Variants in TMEM178B observed in about 807,000 individuals in gnomAD.
The protein encoded by TMEM178B is transmembrane protein 178B.
Under a neutral mutation model 31.0 loss-of-function variants are expected in TMEM178B, and 5 were observed. The ratio of observed to expected loss-of-function variants is 0.16; its 90% CI spans 0.08 to 0.34. The LOEUF (loss-of-function observed/expected upper bound fraction) is 0.34, where lower values mean the gene tolerates loss of function less well. Among genes scored for constraint, TMEM178B ranks in the 10% least tolerant of loss-of-function variants. The pLI, the probability that TMEM178B is intolerant of heterozygous loss-of-function variation, is 1.00. For synonymous variants in TMEM178B, 164 were observed against 164.0 expected, an observed-to-expected ratio of 1.00 and a Z score of 0.00; for missense variants, 275 against 400.3, an observed-to-expected ratio of 0.69 and a Z score of 2.67.
rs1299774581 is a variant in TMEM178B, at chr7:141,074,266, A to G, written c.-45A>G. On this transcript the variant is annotated 5_prime_UTR_variant, in exon 1 of 4. Coordinates refer to ENST00000565468, the MANE Select transcript of TMEM178B (RefSeq NM_001195278.2). The surrounding 1 kb of genome is among the most constrained non-coding windows in gnomAD (Gnocchi z 5.1). Reference sequence around the variant, plus strand: ...GTTCCGGGTGCGGCGAGGGAAGGCGAGGCTGCGGCGGATCATGCCCATGGT... The same window carrying G: ...GTTCCGGGTGCGGCGAGGGAAGGCGGGGCTGCGGCGGATCATGCCCATGGT... The G allele has an allele frequency of 1.4e-6, 2 of 1,460,770 alleles. No homozygotes were observed. The highest frequency in any genetic ancestry group is 2.5e-5 in the East Asian group (1 of 39,946). 90.5% of individuals were successfully genotyped at this position (1,460,770 alleles called of 1,614,324 possible). A position where few individuals can be genotyped will look rare whatever the true frequency, so the allele number is the denominator to read the frequency against.
At chr7:141,285,940 C>A (rs576882061) in intron 2 of TMEM178B, among the ~76,000 whole-genome samples, 1 of 152,162 alleles carries the variant, frequency 6.6e-6, no homozygotes, top group Non-Finnish European at 1.5e-5. Context: ...CAGGGCCTGT[C>A]AGAGGATGGG....
At chr7:141,167,611 G>A (rs901390317) in intron 1 of TMEM178B, among the ~76,000 whole-genome samples, 1 of 152,184 alleles carries the variant, frequency 6.6e-6, no homozygotes, top group Non-Finnish European at 1.5e-5. Context: ...CATGTCTGAT[G>A]TGCCCTCTCA....
At chr7:141,374,890 C>G (rs1800185250) in intron 2 of TMEM178B, among the ~76,000 whole-genome samples, 1 of 152,234 alleles carries the variant, frequency 6.6e-6, no homozygotes, top group South Asian at 2.1e-4. Context: ...AGTATACCAA[C>G]TGCATTTACA....
At chr7:141,222,987 A>G (rs1797279820) in intron 2 of TMEM178B, among the ~76,000 whole-genome samples, 1 of 152,200 alleles carries the variant, frequency 6.6e-6, no homozygotes, top group South Asian at 2.1e-4. Context: ...AGATTTATGT[A>G]CTTAGTGTCT....
chr7:141,241,305 G>A (rs1797614636), intron 2 of TMEM178B, among the ~76,000 whole-genome samples: 1 of 151,620 alleles, frequency 6.6e-6, no homozygotes, highest in Non-Finnish European at 1.5e-5. Flanking sequence ...AATTTATCAG[G>A]TTCTGGCCTG....
intron 1 of TMEM178B, among the ~76,000 whole-genome samples, chr7:141,141,069 G>T (rs1048389515): frequency 1.3e-5 from 2 of 152,002 alleles, no homozygotes; most frequent in African/African-American, 2.4e-5. Context: ...TATATAAATT[G>T]TTTGGTATTT....
At chr7:141,425,217 A>G (rs1437030151) in intron 2 of TMEM178B, among the ~76,000 whole-genome samples, 1 of 152,170 alleles carries the variant, frequency 6.6e-6, no homozygotes, top group African/African-American at 2.4e-5. Flanking sequence ...CATCAGCCAA[A>G]TCTCAGGCAC....
chr7:141,293,384 G>T (rs1198340897), intron 2 of TMEM178B, among the ~76,000 whole-genome samples: 2 of 152,264 alleles, frequency 1.3e-5, no homozygotes, highest in East Asian at 1.9e-4. Flanking sequence ...CATTTAGAAT[G>T]ATATACTTGG....
chr7:141,259,644 C>T (rs878918709), intron 2 of TMEM178B, among the ~76,000 whole-genome samples: 2 of 152,134 alleles, frequency 1.3e-5, no homozygotes, highest in African/African-American at 2.4e-5. Context: ...TCTGTCTCCC[C>T]GACAATACGT....
intron 2 of TMEM178B, among the ~76,000 whole-genome samples, chr7:141,288,969 C>A (rs935713587): frequency 6.6e-5 from 10 of 152,310 alleles, no homozygotes; most frequent in South Asian, 4.2e-4. Context: ...GTTTTCATTT[C>A]TTTCCCAATT....
chr7:141,319,802 G>A (rs772475538), intron 2 of TMEM178B, among the ~76,000 whole-genome samples: 17 of 152,306 alleles, frequency 1.1e-4, no homozygotes, highest in South Asian at 1.0e-3. Context: ...TAGAGAAAGC[G>A]TGCTTGGGTT....
chr7:141,134,486 A>G (rs1476312097), intron 1 of TMEM178B, among the ~76,000 whole-genome samples: 2 of 152,220 alleles, frequency 1.3e-5, no homozygotes, highest in African/African-American at 4.8e-5. Flanking sequence ...AATATCTACC[A>G]TCATGAAAAC....
intron 2 of TMEM178B, among the ~76,000 whole-genome samples, chr7:141,312,804 C>G (rs1228903659): frequency 6.6e-6 from 1 of 152,200 alleles, no homozygotes; most frequent in African/African-American, 2.4e-5. Flanking sequence ...AGGTGGAAGC[C>G]TTTCAAAGAG....
intron 2 of TMEM178B, among the ~76,000 whole-genome samples, chr7:141,262,654 A>C (rs1798032718): frequency 1.3e-5 from 2 of 152,212 alleles, no homozygotes; most frequent in Admixed American, 1.3e-4. Context: ...ACATTAGCAT[A>C]ATGTGAAATG....
At chr7:141,488,904 T>C in the TMEM178B span, among the ~76,000 whole-genome samples, 10 of 151,574 alleles carry the variant, frequency 6.6e-5, no homozygotes, top group South Asian at 2.1e-4. Flanking sequence ...TTAATTTTTT[T>C]CCCCCGTTGG....
intron 1 of TMEM178B, among the ~76,000 whole-genome samples, chr7:141,188,204 C>G (rs1796642808): frequency 6.6e-6 from 1 of 152,144 alleles, no homozygotes; most frequent in South Asian, 2.1e-4. Context: ...TGGCTAAACC[C>G]ACATCTTCAC....
chr7:141,440,056 G>C (rs1452818621), intron 3 of TMEM178B, among the ~76,000 whole-genome samples: 1 of 152,224 alleles, frequency 6.6e-6, no homozygotes, highest in African/African-American at 2.4e-5. Flanking sequence ...ATGTGACTGT[G>C]GTAGGGTCAT....
At chr7:141,155,956 T>C (rs1306825601) in intron 1 of TMEM178B, among the ~76,000 whole-genome samples, 4 of 152,050 alleles carry the variant, frequency 2.6e-5, no homozygotes, top group Non-Finnish European at 5.9e-5. Context: ...TCTCAACTAC[T>C]TGAGAGGCTG....
At chr7:141,404,401 CA>C (rs1800844222) in intron 2 of TMEM178B, among the ~76,000 whole-genome samples, 1 of 152,210 alleles carries the variant, frequency 6.6e-6, no homozygotes, top group Non-Finnish European at 1.5e-5. Flanking sequence ...AAGGTCTTGG[CA>C]AAGCCGTGCT....
Sources: gnomAD v4.1 joint callset for allele counts (sites outside exome capture counted in the v4.1 genomes callset) on GRCh38, gnomAD v4.1.1 for gene constraint, Gnocchi (gnomAD v3.1) non-coding constraint, MANE v1.5 for transcripts, NCBI Gene and HGNC (gene_info 2026-07-23, HGNC 2026-07-21) for gene names.